The following ABLIM2 variants were observed in gnomAD, a reference collection of about 807,000 sequenced individuals.
ABLIM2 encodes the protein actin binding LIM protein family member 2.
A neutral mutation model predicts 97.7 loss-of-function variants in ABLIM2; 53 were observed. That is an observed-to-expected ratio of 0.54 (90% CI 0.44 to 0.68). ABLIM2 has a LOEUF of 0.68. Ranked by LOEUF, ABLIM2 falls within the 30% of genes least tolerant of loss-of-function variation. The pLI is 0.00. For synonymous variants in ABLIM2, 361 were observed against 345.8 expected (o/e 1.04, Z -0.49); for missense variants, 835 against 867.2 (o/e 0.96, Z 0.47).
rs1200041296 is a variant in ABLIM2 at position 8,085,536 on chromosome 4, TGC to T, written c.454+2631_454+2632del. On this transcript the variant is annotated intron_variant, in intron 4 of 20. Coordinates refer to ENST00000447017, the MANE Select transcript of ABLIM2 (RefSeq NM_001130083.2). The surrounding 1 kb of genome is among the most constrained non-coding windows in gnomAD (Gnocchi z 6.1). ...CACACGGCTCTGGGGGTGCCCACGCTGCAGCCCCGTCCACTCACATGGCTCTG... is the reference window on the plus strand; with the variant it reads ...CACACGGCTCTGGGGGTGCCCACGCTAGCCCCGTCCACTCACATGGCTCTG... Among the ~76,000 whole-genome samples, 11 of 146,256 alleles carry T rather than the reference TGC, an allele frequency of 7.5e-5. No homozygotes were observed. Among genetic ancestry groups the T allele is most frequent in the Non-Finnish European group, 1.6e-4 (11 of 66,930 alleles).
At chr4:8,143,641 C>T (rs1048626519) in intron 1 of ABLIM2, among the ~76,000 whole-genome samples, 3 of 152,170 alleles carry the variant, frequency 2.0e-5, no homozygotes, top group African/African-American at 7.2e-5. Context: ...TTCTCTCTGG[C>T]CCCACAGCCT....
intron 16 of ABLIM2, among the ~76,000 whole-genome samples, chr4:8,006,240 G>A (rs916730289): frequency 1.3e-5 from 2 of 152,202 alleles, no homozygotes; most frequent in African/African-American, 2.4e-5. Context: ...GGTCACAGGG[G>A]GCAGCCCGTC....
At position 8,112,509 on chromosome 4, in the gene ABLIM2, T is replaced by C. The variant is rs777068958; in HGVS notation, c.11-5872A>G. Among the ~76,000 whole-genome samples, 1 of 152,162 alleles carries C rather than the reference T, an allele frequency of 6.6e-6. No individual in the cohort carries two copies. Among genetic ancestry groups the C allele is most frequent in the Non-Finnish European group, 1.5e-5 (1 of 68,034 alleles). On this transcript the variant is annotated intron_variant, in intron 1 of 20. Coordinates refer to ENST00000447017, the MANE Select transcript of ABLIM2 (RefSeq NM_001130083.2). This position sits in a 1 kb window ranked among gnomAD's most constrained non-coding sequence, Gnocchi z 4.2. ...CTCTCCAAGGCTCAGAGACCAGACT[T>C]GCAGGCCGCAGGATGGAGGGGTCAG...
At chr4:8,029,586 TAAAAAAA>T (rs758188738) in intron 11 of ABLIM2, 63 bp downstream of exon 11, 9 of 1,052,640 alleles carry the variant, frequency 8.5e-6, no homozygotes, top group Admixed American at 1.1e-4. Context: ...AAAAAAAAAC[TAAAAAAA>T]AAAAAAAAAA....
rs1273959647 is a variant in ABLIM2, at chr4:8,127,045, G to C, written c.11-20408C>G. ...CATGCCACTGCACTCCAGCCTGGGT[G>C]ACAGAGTGAGTCCCTGCCTCCAGAA... On this transcript the variant is annotated intron_variant, in intron 1 of 20. Transcript: ENST00000447017. This position sits in a 1 kb window ranked among gnomAD's most constrained non-coding sequence, Gnocchi z 7.3. 6.7e-6 allele frequency among the ~76,000 whole-genome samples: 1 copy of C among 149,412 alleles called. No individual in the cohort carries two copies. Among genetic ancestry groups the C allele is most frequent in the Non-Finnish European group, 1.5e-5 (1 of 67,664 alleles).
intron 2 of ABLIM2, among the ~76,000 whole-genome samples, chr4:8,099,473 G>A (rs1398923592): frequency 6.6e-6 from 1 of 152,172 alleles, no homozygotes; most frequent in East Asian, 1.9e-4. Flanking sequence ...AGCATGTCCA[G>A]CCCCAGCCGT....
In ABLIM2 at chr4:8,027,862, G is replaced by A. The variant is rs778687719; in HGVS notation, c.1169-5C>T. 6 of 1,574,450 alleles carry A rather than the reference G, an allele frequency of 3.8e-6. No homozygotes were observed. Among genetic ancestry groups the A allele is most frequent in the South Asian group, 3.5e-5 (3 of 84,556 alleles). ...TACCCACACTCACAGTACCAGCTAC[G>A]GGGTAACAGAGAGCAAGTCAGAGTC... On this transcript the variant is annotated splice_region_variant and splice_polypyrimidine_tract_variant and intron_variant, in intron 11 of 20. Transcript: ENST00000447017.
At chr4:7,974,687 A>G (rs2149464234) in intron 20 of ABLIM2, among the ~76,000 whole-genome samples, 2 of 150,232 alleles carry the variant, frequency 1.3e-5, no homozygotes, top group East Asian at 4.0e-4. Flanking sequence ...CCATCCACCA[A>G]CCCATCCATC....
rs911514371 is a variant in ABLIM2, at chr4:8,005,435, G to T, written c.1618+2624C>A. 3.8e-6 allele frequency: 2 copies of T among 533,178 alleles called. No individual in the cohort carries two copies. Among genetic ancestry groups the T allele is most frequent in the Non-Finnish European group, 3.8e-6 (1 of 259,960 alleles). 33.0% of individuals were successfully genotyped at this position (533,178 alleles called of 1,614,324 possible). A position where few individuals can be genotyped will look rare whatever the true frequency, so the allele number is the denominator to read the frequency against. On this transcript the variant is annotated intron_variant, in intron 16 of 20. Coordinates refer to ENST00000447017, the MANE Select transcript of ABLIM2 (RefSeq NM_001130083.2). The surrounding 1 kb of genome is among the most constrained non-coding windows in gnomAD (Gnocchi z 4.9). ...GCGCTACAGATGGACGTCCCGGGGT[G>T]CAGGTGGCGTGCCTTGCTGTGTGCA... is the stretch of plus-strand genomic sequence containing the variant.
Position 8,032,051 on chromosome 4 carries a change from A to G in ABLIM2, c.1048-2275T>C, listed in dbSNP as rs968923609. 6.6e-6 allele frequency among the ~76,000 whole-genome samples: 1 copy of G among 152,148 alleles called. No individual in the cohort carries two copies. Among genetic ancestry groups the G allele is most frequent in the Non-Finnish European group, 1.5e-5 (1 of 68,032 alleles). ...CTATGAAATGTTTACAATGGCATCAAGCACAGGGGAAGAGCTCAGGGCACG... is the reference window on the plus strand; with the variant it reads ...CTATGAAATGTTTACAATGGCATCAGGCACAGGGGAAGAGCTCAGGGCACG... On this transcript the variant is annotated intron_variant, in intron 10 of 20. Transcript: ENST00000447017. The surrounding 1 kb of genome is among the most constrained non-coding windows in gnomAD (Gnocchi z 4.3).
intron 10 of ABLIM2, among the ~76,000 whole-genome samples, chr4:8,034,103 T>C (rs1782685629): frequency 6.6e-6 from 1 of 152,160 alleles, no homozygotes; most frequent in East Asian, 1.9e-4. Flanking sequence ...CCTGTGGTCT[T>C]TGCGGGGAAG....
chr4:8,080,893 G>T (rs945138996), intron 4 of ABLIM2, 91 bp from the exon 5 acceptor site: 6 of 1,482,646 alleles, frequency 4.0e-6, no homozygotes, highest in Non-Finnish European at 4.5e-6. Flanking sequence ...GAAGGCCCCT[G>T]GGGCAGCCGG....
At chr4:7,983,646 T>G in intron 18 of ABLIM2, 92 bp from the exon 19 acceptor site, 8 of 1,464,018 alleles carry the variant, frequency 5.5e-6, no homozygotes, top group Non-Finnish European at 7.5e-6. Flanking sequence ...GGGGTACCCC[T>G]GTCTCCCCCC....
intron 1 of ABLIM2, among the ~76,000 whole-genome samples, chr4:8,145,534 T>C (rs918778782): frequency 6.6e-5 from 10 of 152,090 alleles, no homozygotes; most frequent in Non-Finnish European, 1.2e-4. Flanking sequence ...GATCCCACTC[T>C]GGTGAGCGCC....
intron 9 of ABLIM2, among the ~76,000 whole-genome samples, chr4:8,039,894 T>TC (rs1553989808): frequency 0.044 from 6,381 of 145,516 alleles, 298 homozygotes; most frequent in African/African-American, 0.15. Flanking sequence ...TTTTTTTTTT[T>TC]TTAATAAATG....
chr4:8,009,140 A>T, intron 14 of ABLIM2, 38 bp from the exon 15 acceptor site: 1 of 1,612,792 alleles, frequency 6.2e-7, no homozygotes, highest in South Asian at 1.1e-5. Flanking sequence ...GCCACACACC[A>T]TTGCTTGTGG....
intron 1 of ABLIM2, among the ~76,000 whole-genome samples, chr4:8,115,059 T>A (rs1842215322): frequency 6.6e-6 from 1 of 152,128 alleles, no homozygotes; most frequent in African/African-American, 2.4e-5. Context: ...AGACCACGGG[T>A]CCCTGAGGAC....
intron 3 of ABLIM2, among the ~76,000 whole-genome samples, chr4:8,091,331 T>A (rs868459186): frequency 5.7e-4 from 9 of 15,888 alleles, no homozygotes; most frequent in East Asian, 3.5e-3. Context: ...ATATATATAT[T>A]ATATATATAA....
At chr4:8,036,317 G>C (rs763216432) in intron 9 of ABLIM2, 22 bp from the exon 10 acceptor site, 19 of 1,611,908 alleles carry the variant, frequency 1.2e-5, no homozygotes, top group Non-Finnish European at 1.6e-5. Flanking sequence ...AAGAGAATTG[G>C]GGAGGGGACA....
Sources: allele counts gnomAD v4.1 joint callset (sites outside exome capture counted in the v4.1 genomes callset), GRCh38; gene constraint gnomAD v4.1.1; non-coding constraint Gnocchi (gnomAD v3.1); transcripts MANE v1.5; gene names NCBI Gene and HGNC (gene_info 2026-07-23, HGNC 2026-07-21).